GLT8D2: variants seen among roughly 807,000 people sequenced by gnomAD.
The protein encoded by GLT8D2 is glycosyltransferase 8 domain containing 2.
GLT8D2 carries 45 observed loss-of-function variants against 44.5 expected under a neutral mutation model. The observed-to-expected ratio is 1.01, with a 90% CI of 0.80 to 1.30. The LOEUF (loss-of-function observed/expected upper bound fraction) is 1.30, where lower values mean the gene tolerates loss of function less well. Among genes scored for constraint, GLT8D2 ranks in the 50% most tolerant of loss-of-function variants. GLT8D2 has a pLI of 0.00. For missense variants in GLT8D2, 400 were observed against 430.4 expected (o/e 0.93, Z 0.62); for synonymous variants, 156 against 157.2 (o/e 0.99, Z 0.06).
intron 10 of GLT8D2, among the ~76,000 whole-genome samples, chr12:103,990,080 TATA>T (rs1872538552): frequency 3.9e-3 from 1 of 256 alleles, no homozygotes. Flanking sequence ...TGTGTACAAA[TATA>T]TATATATATA....
At chr12:104,042,548 C>T (rs1880670176) in intron 1 of GLT8D2, among the ~76,000 whole-genome samples, 1 of 152,100 alleles carries the variant, frequency 6.6e-6, no homozygotes, top group Non-Finnish European at 1.5e-5. Context: ...TGGGGATAAG[C>T]TGATTGTGGG....
Position 103,989,386 on chromosome 12 carries a change from A to G in GLT8D2, c.*22T>C. The G allele has an allele frequency of 7.6e-6, 12 of 1,574,676 alleles. No individual in the cohort carries two copies. Among genetic ancestry groups the G allele is most frequent in the Non-Finnish European group, 6.9e-6 (8 of 1,157,900 alleles). Reference sequence around the variant, plus strand: ...ACAATTCCACATTTCTATACAGGGAATATTTTAAGGGTAGAGTTATATCAG... The same window carrying G: ...ACAATTCCACATTTCTATACAGGGAGTATTTTAAGGGTAGAGTTATATCAG... On this transcript the variant is annotated 3_prime_UTR_variant, in exon 11 of 11. Transcript: ENST00000360814.
chr12:104,021,930 GA>G (rs1566202384), intron 1 of GLT8D2, among the ~76,000 whole-genome samples: 769 of 24,712 alleles, frequency 0.031, 47 homozygotes, highest in East Asian at 0.15. Context: ...AGAAGAAGAA[GA>G]AGAAGAAGAA....
At chr12:104,045,148 G>A (rs1179178393) in intron 1 of GLT8D2, among the ~76,000 whole-genome samples, 1 of 152,176 alleles carries the variant, frequency 6.6e-6, no homozygotes, top group African/African-American at 2.4e-5. Flanking sequence ...GAAAAGGCGA[G>A]AGGCTCTTGT....
chr12:104,041,973 G>C (rs1423981625), intron 1 of GLT8D2, among the ~76,000 whole-genome samples: 2 of 152,180 alleles, frequency 1.3e-5, no homozygotes, highest in South Asian at 2.1e-4. Context: ...AAGCTCCAGG[G>C]ACAGGACGGG....
At chr12:104,019,367 A>G (rs2136369832) in intron 3 of GLT8D2, among the ~76,000 whole-genome samples, 2 of 151,948 alleles carry the variant, frequency 1.3e-5, no homozygotes, top group Admixed American at 1.3e-4. Flanking sequence ...AGCTCAACTG[A>G]CCCGCCCACC....
chr12:104,004,818 A>G (rs920911217), intron 4 of GLT8D2, among the ~76,000 whole-genome samples: 2 of 152,210 alleles, frequency 1.3e-5, no homozygotes, highest in Non-Finnish European at 2.9e-5. Context: ...AAGGTAATTT[A>G]TAGATTCAAT....
chr12:104,005,849 G>A (rs1048162739), intron 4 of GLT8D2, among the ~76,000 whole-genome samples: 11 of 152,206 alleles, frequency 7.2e-5, no homozygotes, highest in Non-Finnish European at 1.5e-4. Flanking sequence ...TCTAGAACTA[G>A]AAATACCATT....
chr12:104,014,513 A>G (rs768885382), intron 4 of GLT8D2, among the ~76,000 whole-genome samples: 9 of 152,194 alleles, frequency 5.9e-5, no homozygotes, highest in Non-Finnish European at 1.0e-4. Context: ...GAGAGACCAC[A>G]GGGCCAATGA....
intron 1 of GLT8D2, among the ~76,000 whole-genome samples, chr12:104,037,295 G>T (rs1454081757): frequency 6.6e-6 from 1 of 151,978 alleles, no homozygotes; most frequent in East Asian, 1.9e-4. Flanking sequence ...CTAACAGAAG[G>T]CAAGAAATAA....
chr12:104,035,387 T>A (rs1463731568), intron 1 of GLT8D2, among the ~76,000 whole-genome samples: 1 of 152,114 alleles, frequency 6.6e-6, no homozygotes, highest in Non-Finnish European at 1.5e-5. Flanking sequence ...CAGGAGGATG[T>A]TTGAACCCAT....
intron 1 of GLT8D2, among the ~76,000 whole-genome samples, chr12:104,032,659 T>C (rs1043665006): frequency 3.3e-5 from 5 of 152,022 alleles, no homozygotes; most frequent in Non-Finnish European, 7.4e-5. Flanking sequence ...AGTCAAAAGA[T>C]AACAAGTGTT....
At chr12:104,043,095 T>A (rs1467778122) in intron 1 of GLT8D2, among the ~76,000 whole-genome samples, 1 of 152,216 alleles carries the variant, frequency 6.6e-6, no homozygotes, top group East Asian at 1.9e-4. Flanking sequence ...TTCCTGCACG[T>A]GGCCCGGGGG....
intron 4 of GLT8D2, among the ~76,000 whole-genome samples, chr12:104,011,177 T>C (rs550711668): frequency 6.6e-6 from 1 of 152,366 alleles, no homozygotes; most frequent in South Asian, 2.1e-4. Flanking sequence ...GAAAGGCTTA[T>C]CAACTGTACC....
intron 1 of GLT8D2, among the ~76,000 whole-genome samples, chr12:104,027,906 C>G (rs1274585009): frequency 6.6e-6 from 1 of 152,134 alleles, no homozygotes; most frequent in Non-Finnish European, 1.5e-5. Flanking sequence ...GAATTGGGGT[C>G]CAGATAACAG....
intron 3 of GLT8D2, among the ~76,000 whole-genome samples, chr12:104,015,434 AC>A (rs1186222293): frequency 5.3e-5 from 8 of 150,130 alleles, no homozygotes; most frequent in Non-Finnish European, 7.4e-5. Context: ...ACACACACAC[AC>A]AAATTAGCTG....
At chr12:104,021,876 G>A (rs1243638398) in intron 1 of GLT8D2, among the ~76,000 whole-genome samples, 1 of 25,654 alleles carries the variant, frequency 3.9e-5, no homozygotes, top group South Asian at 2.4e-3. Flanking sequence ...GAAAGAAGAA[G>A]AAGAAGAAGA....
intron 4 of GLT8D2, among the ~76,000 whole-genome samples, chr12:104,007,265 T>TCTCTCTCTCTCTCTCTCTCTCTCTCC (rs377119502): frequency 2.2e-5 from 3 of 136,282 alleles, no homozygotes; most frequent in Non-Finnish European, 4.7e-5. Flanking sequence ...TCTCTCTCTC[T>TCTCTCTCTCTCTCTCTCTCTCTCTCC]CCCCCCGCTC....
At chr12:104,039,935 G>A (rs564236725) in intron 1 of GLT8D2, among the ~76,000 whole-genome samples, 1 of 152,308 alleles carries the variant, frequency 6.6e-6, no homozygotes, top group East Asian at 1.9e-4. Context: ...AGAAAATGTG[G>A]CACATATACA....
Sources: allele counts gnomAD v4.1 joint callset (sites outside exome capture counted in the v4.1 genomes callset), GRCh38; gene constraint gnomAD v4.1.1; transcripts MANE v1.5; gene names NCBI Gene and HGNC (gene_info 2026-07-23, HGNC 2026-07-21).